Variants in KCTD15 observed in about 807,000 individuals in gnomAD.
KCTD15 encodes BTB/POZ domain-containing protein KCTD15.
A neutral mutation model predicts 27.2 loss-of-function variants in KCTD15; 11 were observed. That is an observed-to-expected ratio of 0.41 (90% CI 0.25 to 0.67). The LOEUF (loss-of-function observed/expected upper bound fraction) is 0.67. KCTD15 is among the 30% of genes least tolerant of loss of function. KCTD15 has a pLI of 0.35. For missense variants in KCTD15, 350 were observed against 409.3 expected, an observed-to-expected ratio of 0.86 and a Z score of 1.25; for synonymous variants, 163 against 176.0, an observed-to-expected ratio of 0.93 and a Z score of 0.58.
At position 33,811,323 on chromosome 19, in the gene KCTD15, A is replaced by G; in HGVS notation, c.464A>G (p.Gln155Arg). 1 of 1,553,062 alleles carries G rather than the reference A, an allele frequency of 6.4e-7. No individual in the cohort carries two copies. Among genetic ancestry groups the G allele is most frequent in the Non-Finnish European group, 8.7e-7 (1 of 1,148,454 alleles). ...PMVRELERWQ[Q>R]EQEQRRRSRA... ...GTGCGCGAGCTGGAGCGCTGGCAGC[A>G]GGAGCAGGAGCAGCGGCGCCGCAGC... Residue 155 changes from glutamine (Q) to arginine (R), a missense_variant, in exon 6 of 7, where the codon CAG becomes CGG. Around this residue, in one of 3 missense-constraint regions of KCTD15, gnomAD observed 219 missense variants for 234.9 expected, o/e 0.93. Transcript: ENST00000683859.
chr19:33,796,803 T>A (rs1313467177), upstream of KCTD15: 1 of 19,600 alleles, frequency 5.1e-5, no homozygotes, highest in African/African-American at 2.0e-4. Flanking sequence ...AGGGGCCGCG[T>A]GAAGCGGGGG....
At chr19:33,812,562 A>T (rs138729343) in intron 6 of KCTD15, 1 of 1,265,308 alleles carries the variant, frequency 7.9e-7, no homozygotes, top group East Asian at 3.2e-5. Context: ...GGGTCGTCCA[A>T]CTAGGTTTGC....
chr19:33,796,489 C>A (rs1020376992), upstream of KCTD15: 1 of 150,260 alleles, frequency 6.7e-6, no homozygotes, highest in East Asian at 2.0e-4. Flanking sequence ...AGCCGAGCCC[C>A]GAGCCAGGAG....
chr19:33,807,550 C>A (rs757917730), intron 5 of KCTD15, among the ~76,000 whole-genome samples: 3 of 152,116 alleles, frequency 2.0e-5, no homozygotes, highest in Non-Finnish European at 4.4e-5. Flanking sequence ...GGTGAAACAC[C>A]GTCTCTGCTA....
upstream of KCTD15, chr19:33,796,706 AGGCGGCGGCGGC>A (rs1000701732): frequency 5.8e-5 from 8 of 137,628 alleles, no homozygotes; most frequent in African/African-American, 1.9e-4. Flanking sequence ...CGCGAGGAGG[AGGCGGCGGCGGC>A]GGAGGCGGCG....
At chr19:33,795,604 G>C (rs1300892946), upstream of KCTD15, among the ~76,000 whole-genome samples, 1 of 152,042 alleles carries the variant, frequency 6.6e-6, no homozygotes, top group African/African-American at 2.4e-5. Flanking sequence ...CCGGCCAGTC[G>C]CGCGCTCCGT....
At chr19:33,812,158 G>T (rs998054272) in intron 6 of KCTD15, 2 of 1,188,840 alleles carry the variant, frequency 1.7e-6, no homozygotes, top group Non-Finnish European at 2.1e-6. Flanking sequence ...ACAGCCTGTC[G>T]GTCAGAACTT....
intron 4 of KCTD15, among the ~76,000 whole-genome samples, chr19:33,806,643 T>A (rs1436570739): frequency 6.6e-6 from 1 of 152,112 alleles, no homozygotes; most frequent in Non-Finnish European, 1.5e-5. Flanking sequence ...GGCTGTGACT[T>A]GCGGGTGTAG....
rs1411825433 is a variant in KCTD15 at position 33,813,931 on chromosome 19, C to T, written c.*983C>T. 3 of 153,412 alleles carry T rather than the reference C, an allele frequency of 2.0e-5. No individual in the cohort carries two copies. The highest frequency in any genetic ancestry group is 4.4e-5 in the Non-Finnish European group (3 of 68,670). The allele number at this position is 153,412 out of a possible 1,614,324, so 9.5% of individuals were successfully genotyped here. ...CCGATGAGACCCAGACACAGGCAGACCTGGCGCTCTTGACCCCTGATTCCA... is the reference window on the plus strand; with the variant it reads ...CCGATGAGACCCAGACACAGGCAGATCTGGCGCTCTTGACCCCTGATTCCA... On this transcript the variant is annotated 3_prime_UTR_variant, in exon 7 of 7. Transcript: ENST00000683859.
In KCTD15 at chr19:33,814,800, C is replaced by T. The variant is rs1242554719; in HGVS notation, c.*1852C>T. The T allele has an allele frequency of 6.6e-6, 1 of 152,204 alleles. No individual in the cohort carries two copies. Among genetic ancestry groups the T allele is most frequent in the Non-Finnish European group, 1.5e-5 (1 of 68,062 alleles). The allele number at this position is 152,204 out of a possible 1,614,324, so 9.4% of individuals were successfully genotyped here. A position where few individuals can be genotyped will look rare whatever the true frequency, so the allele number is the denominator to read the frequency against. ...TTTCTCAAAGCCCTTATGTTCTAAC[C>T]CATGAGAACCATTTTACCTGCCCTC... On this transcript the variant is annotated 3_prime_UTR_variant, in exon 7 of 7. Transcript: ENST00000683859.
intron 5 of KCTD15, among the ~76,000 whole-genome samples, chr19:33,808,726 G>C (rs981594816): frequency 1.3e-5 from 2 of 151,524 alleles, no homozygotes; most frequent in Non-Finnish European, 2.9e-5. Context: ...AGGGGTGGGG[G>C]TGGGTGCAGT....
upstream of KCTD15, among the ~76,000 whole-genome samples, chr19:33,794,992 C>T (rs1372221898): frequency 2.0e-5 from 3 of 152,222 alleles, no homozygotes; most frequent in African/African-American, 7.2e-5. Context: ...AGCCCTTGGG[C>T]CTCGCGGGAG....
rs1208478129 is a variant in KCTD15 at position 33,813,936 on chromosome 19, C to T, written c.*988C>T. On this transcript the variant is annotated 3_prime_UTR_variant, in exon 7 of 7. Coordinates refer to ENST00000683859, the MANE Select transcript of KCTD15 (RefSeq NM_001129994.2). Reference sequence around the variant, plus strand: ...GAGACCCAGACACAGGCAGACCTGGCGCTCTTGACCCCTGATTCCAGTGAG... The same window carrying T: ...GAGACCCAGACACAGGCAGACCTGGTGCTCTTGACCCCTGATTCCAGTGAG... 3 of 153,336 alleles carry T rather than the reference C, an allele frequency of 2.0e-5. No homozygotes were observed. The highest frequency in any genetic ancestry group is 2.9e-5 in the Non-Finnish European group (2 of 68,630). 9.5% of individuals were successfully genotyped at this position (153,336 alleles called of 1,614,324 possible).
chr19:33,813,506 T>C lies in KCTD15; in HGVS notation c.*558T>C. 1 of 425,474 alleles carries C rather than the reference T, an allele frequency of 2.4e-6. No individual in the cohort carries two copies. The highest frequency in any genetic ancestry group is 4.7e-6 in the Non-Finnish European group (1 of 212,678). The allele number at this position is 425,474 out of a possible 1,614,324, so 26.4% of individuals were successfully genotyped here. A position where few individuals can be genotyped will look rare whatever the true frequency, so the allele number is the denominator to read the frequency against. ...CAGCTGCCTGGCATTCAGGCCCAGA[T>C]GCCTGCAGGGCTGGGGCTCTCGGGA... On this transcript the variant is annotated 3_prime_UTR_variant, in exon 7 of 7. Coordinates refer to ENST00000683859, the MANE Select transcript of KCTD15 (RefSeq NM_001129994.2).
At chr19:33,807,895 G>C (rs143158943) in intron 5 of KCTD15, among the ~76,000 whole-genome samples, 2,529 of 151,538 alleles carry the variant, frequency 0.017, 93 homozygotes, top group African/African-American at 0.058. Flanking sequence ...GCAGTGAGCC[G>C]AGATCACGTC....
chr19:33,795,775 C>T (rs919538474), upstream of KCTD15, among the ~76,000 whole-genome samples: 1 of 151,276 alleles, frequency 6.6e-6, no homozygotes, highest in Non-Finnish European at 1.5e-5. Context: ...GGGCGCGGAC[C>T]TCGGCCGCGG....
chr19:33,810,356 C>T (rs1599686720), intron 5 of KCTD15, among the ~76,000 whole-genome samples: 1 of 152,182 alleles, frequency 6.6e-6, no homozygotes, highest in East Asian at 1.9e-4. Context: ...TCCTTTGATC[C>T]TCACTTTCAT....
chr19:33,812,548 G>T, intron 6 of KCTD15: 1 of 1,262,836 alleles, frequency 7.9e-7, no homozygotes, highest in South Asian at 3.4e-5. Flanking sequence ...TGGTGGCCTG[G>T]GTGGGGTCGT....
chr19:33,809,238 C>G (rs939485382), intron 5 of KCTD15, among the ~76,000 whole-genome samples: 2 of 151,670 alleles, frequency 1.3e-5, no homozygotes, highest in African/African-American at 4.9e-5. Flanking sequence ...GGTCACACCA[C>G]TGCACTCCAG....
Sources: gnomAD v4.1 joint callset for allele counts (sites outside exome capture counted in the v4.1 genomes callset) on GRCh38, gnomAD v4.1.1 for gene constraint, gnomAD v4.1.1 regional missense constraint, MANE v1.5 for transcripts, NCBI Gene and HGNC (gene_info 2026-07-23, HGNC 2026-07-21) for gene names.